SYNE1: variants seen among roughly 807,000 people sequenced by gnomAD.
SYNE1 encodes the protein nesprin-1.
A neutral mutation model predicts 1,111.0 loss-of-function variants in SYNE1; 616 were observed. The ratio of observed to expected loss-of-function variants is 0.55; its 90% CI spans 0.52 to 0.59. SYNE1 has a LOEUF of 0.59. SYNE1 is among the 20% of genes least tolerant of loss of function. SYNE1 has a pLI of 0.00. For synonymous variants in SYNE1, 3,855 were observed against 3,825.8 expected, an observed-to-expected ratio of 1.01 and a Z score of -0.28; for missense variants, 10,006 against 10,417.0, an observed-to-expected ratio of 0.96 and a Z score of 1.72.
chr6:152,492,531 G>A (rs1451659129), intron 11 of SYNE1, among the ~76,000 whole-genome samples: 1 of 152,162 alleles, frequency 6.6e-6, no homozygotes, highest in Non-Finnish European at 1.5e-5. Flanking sequence ...ACCACAGCCT[G>A]GGATTCCTCC....
intron 51 of SYNE1, among the ~76,000 whole-genome samples, chr6:152,392,837 T>C (rs114637999): frequency 1.4e-3 from 208 of 152,334 alleles, no homozygotes; most frequent in African/African-American, 4.8e-3. Flanking sequence ...ATGAGATAAA[T>C]TGCTTAATGC....
Position 152,323,666 on chromosome 6 carries a change from C to G in SYNE1, c.15729G>C (p.Ser5243=). 1.2e-6 allele frequency: 2 copies of G among 1,614,200 alleles called. No individual in the cohort carries two copies. Among genetic ancestry groups the G allele is most frequent in the Non-Finnish European group, 1.7e-6 (2 of 1,180,042 alleles). ...CAAGAAGAGTTAAGAGCTCTGCTTT[C>G]GATGCTTTCTCTGCTGAACTTCCAG... The part of the protein sequence containing the change: ...KLPGSSAEKA[S]KAELLTLLEY... The change falls in exon 82 of 146, where the codon TCG becomes TCC. Residue 5243 remains serine, a synonymous_variant. Transcript: ENST00000367255.
At chr6:152,526,251 G>T in intron 4 of SYNE1, 76 bp from the exon 5 acceptor site, 2 of 1,432,396 alleles carry the variant, frequency 1.4e-6, no homozygotes, top group Non-Finnish European at 2.0e-6. Flanking sequence ...TCTCACCTTT[G>T]TTACTTATGG....
In SYNE1 at chr6:152,484,844, C is replaced by G. The variant is rs776130961; in HGVS notation, c.1176G>C (p.Val392=). The change falls in exon 13 of 146, where the codon GTG becomes GTC. Residue 392 remains valine, a synonymous_variant. Coordinates refer to ENST00000367255, the MANE Select transcript of SYNE1 (RefSeq NM_182961.4). The part of the protein sequence containing the change: ...QALVKQSWDR[V]TSRLFDWHIQ... ...TTGTGGGAGAACTTACCCTGGAGGT[C>G]ACTCTATCCCAAGATTGTTTTACCA... 5.6e-6 allele frequency: 9 copies of G among 1,613,916 alleles called. No homozygotes were observed. In the Admixed American group the frequency reaches 1.5e-4, roughly 27 times the overall value.
Position 152,391,224 on chromosome 6 carries a change from C to G in SYNE1, c.8004+53G>C, listed in dbSNP as rs9383992. 7.5e-5 allele frequency: 120 copies of G among 1,609,626 alleles called. 1 individual carries two copies. The East Asian group carries it at 2.1e-3, about 28-fold the overall frequency. On this transcript the variant is annotated intron_variant, in intron 52 of 145. Coordinates refer to ENST00000367255, the MANE Select transcript of SYNE1 (RefSeq NM_182961.4). The stretch of plus-strand genomic sequence containing the variant: ...GGACACAACACAAGCACTTGTGAAT[C>G]TAATCAAATTAGCATTCAGCAGTTG...
chr6:152,370,541 T>C (rs1196295161), intron 59 of SYNE1, among the ~76,000 whole-genome samples: 15 of 152,240 alleles, frequency 9.9e-5, no homozygotes, highest in Non-Finnish European at 1.3e-4. Flanking sequence ...CTTTCACAGT[T>C]ACTATGTAGT....
At position 152,385,799 on chromosome 6, in the gene SYNE1, G is replaced by C; in HGVS notation, c.8527C>G (p.Leu2843Val). 6.2e-7 allele frequency: 1 copy of C among 1,614,038 alleles called. No homozygotes were observed. The highest frequency in any genetic ancestry group is 1.1e-5 in the South Asian group (1 of 91,076). ...RKVEEIVKDHLMYLDAVHEFT... is the reference protein window; with the variant it reads ...RKVEEIVKDHVMYLDAVHEFT... ...TCGTGGACCGCATCTAAATACATTA[G>C]ATGATCTTTCACAATCTCTTCCACT... is the stretch of plus-strand genomic sequence containing the variant. The change falls in exon 55 of 146, where the codon CTA (leucine) becomes GTA (valine). Residue 2843 changes from leucine to valine, a missense_variant. Transcript: ENST00000367255.
chr6:152,425,145 T>G (rs559336883), intron 39 of SYNE1, among the ~76,000 whole-genome samples: 1 of 152,350 alleles, frequency 6.6e-6, no homozygotes, highest in South Asian at 2.1e-4. Flanking sequence ...TTTAATCTAT[T>G]TCAACTGGTT....
intron 29 of SYNE1, among the ~76,000 whole-genome samples, chr6:152,445,404 T>C (rs2098574693): frequency 6.6e-6 from 1 of 152,144 alleles, no homozygotes; most frequent in African/African-American, 2.4e-5. Flanking sequence ...TTTTCTTGTC[T>C]AATTTCTGCT....
chr6:152,337,628 T>G (rs1438334148), intron 75 of SYNE1, among the ~76,000 whole-genome samples: 1 of 152,222 alleles, frequency 6.6e-6, no homozygotes, highest in Non-Finnish European at 1.5e-5. Flanking sequence ...GGTCTAAAGC[T>G]GCTCTGATGG....
chr6:152,296,205 A>G (rs1562864677), intron 93 of SYNE1, among the ~76,000 whole-genome samples: 1 of 152,166 alleles, frequency 6.6e-6, no homozygotes, highest in Non-Finnish European at 1.5e-5. Flanking sequence ...TCTAGCATTC[A>G]ATAGCACTGA....
At chr6:152,268,216 T>A in intron 99 of SYNE1, 51 bp from the exon 100 acceptor site, 4 of 1,387,976 alleles carry the variant, frequency 2.9e-6, no homozygotes, top group Non-Finnish European at 3.1e-6. Context: ...TTATGATTAT[T>A]GCCTACAATC....
chr6:152,171,630 G>A (rs1272762781), intron 130 of SYNE1, among the ~76,000 whole-genome samples: 1 of 152,194 alleles, frequency 6.6e-6, no homozygotes, highest in East Asian at 1.9e-4. Context: ...GGGCAGGCAG[G>A]AGAATGCCCA....
intron 132 of SYNE1, 37 bp from the exon 133 acceptor site, chr6:152,155,079 G>T (rs1384344919): frequency 1.9e-6 from 3 of 1,613,616 alleles, no homozygotes; most frequent in Non-Finnish European, 2.5e-6. Context: ...TCAGATTATT[G>T]GAGACTGTTT....
At chr6:152,190,194 A>T (rs2153231398) in intron 127 of SYNE1, among the ~76,000 whole-genome samples, 1 of 152,256 alleles carries the variant, frequency 6.6e-6, no homozygotes, top group Middle Eastern at 3.4e-3. Flanking sequence ...TTTTTTATTG[A>T]TCCATAAGAA....
At chr6:152,561,311 T>C (rs1285180150) in intron 3 of SYNE1, among the ~76,000 whole-genome samples, 1 of 152,046 alleles carries the variant, frequency 6.6e-6, no homozygotes. Flanking sequence ...AAATAAATTT[T>C]AAAAATATTC....
intron 72 of SYNE1, among the ~76,000 whole-genome samples, chr6:152,349,735 T>A (rs938102451): frequency 3.3e-5 from 5 of 152,224 alleles, no homozygotes; most frequent in Non-Finnish European, 7.3e-5. Flanking sequence ...TCCTACGTGT[T>A]GTAGAAGGGA....
chr6:152,536,313 G>T, intron 4 of SYNE1, among the ~76,000 whole-genome samples: 1 of 141,616 alleles, frequency 7.1e-6, no homozygotes, highest in Non-Finnish European at 1.5e-5. Flanking sequence ...CCAATGTTCT[G>T]CGCCAATATA....
chr6:152,399,515 G>T, intron 48 of SYNE1, 101 bp downstream of exon 48: 1 of 1,394,938 alleles, frequency 7.2e-7, no homozygotes, highest in Non-Finnish European at 1.0e-6. Flanking sequence ...ATGACACCCT[G>T]GAAAGTTTCC....
Sources: allele counts gnomAD v4.1 joint callset (sites outside exome capture counted in the v4.1 genomes callset), GRCh38; gene constraint gnomAD v4.1.1; transcripts MANE v1.5; gene names NCBI Gene and HGNC (gene_info 2026-07-23, HGNC 2026-07-21).